ACSS3: variants seen among roughly 807,000 people sequenced by gnomAD.
The protein encoded by ACSS3 is acyl-CoA synthetase short-chain family member 3, mitochondrial.
A neutral mutation model predicts 84.2 loss-of-function variants in ACSS3; 64 were observed. The ratio of observed to expected loss-of-function variants is 0.76; its 90% CI spans 0.62 to 0.94. The LOEUF is 0.94. Ranked by LOEUF, ACSS3 falls within the 40% of genes least tolerant of loss-of-function variation. The probability of loss-of-function intolerance (pLI) is 0.00; values close to 1 mark genes in which losing one functional copy is unlikely to be tolerated. For synonymous variants in ACSS3, 317 were observed against 310.1 expected, an observed-to-expected ratio of 1.02 and a Z score of -0.23; for missense variants, 815 against 867.6, an observed-to-expected ratio of 0.94 and a Z score of 0.76.
intron 5 of ACSS3, among the ~76,000 whole-genome samples, chr12:81,148,827 C>A (rs1054335218): frequency 6.8e-6 from 1 of 147,172 alleles, no homozygotes; most frequent in Non-Finnish European, 1.5e-5. Context: ...TTTGGAAGGC[C>A]GAGGCGGGCA....
intron 2 of ACSS3, among the ~76,000 whole-genome samples, chr12:81,132,177 G>A (rs1885547541): frequency 1.3e-5 from 2 of 152,108 alleles, no homozygotes; most frequent in African/African-American, 4.8e-5. Flanking sequence ...TTTTTCTATT[G>A]ATTGGAATAG....
chr12:81,253,725 T>G, intron 15 of ACSS3, 55 bp downstream of exon 15: 2 of 1,559,872 alleles, frequency 1.3e-6, no homozygotes, highest in South Asian at 1.2e-5. Context: ...CTTCATTTCT[T>G]TGGCATCAGC....
chr12:81,145,942 T>C (rs972723445), intron 5 of ACSS3, among the ~76,000 whole-genome samples: 1 of 152,140 alleles, frequency 6.6e-6, no homozygotes, highest in African/African-American at 2.4e-5. Context: ...CAAAAGAAGG[T>C]AGTTATCTCT....
At chr12:81,135,449 A>C (rs898175031) in intron 3 of ACSS3, among the ~76,000 whole-genome samples, 1 of 144,974 alleles carries the variant, frequency 6.9e-6, no homozygotes, top group East Asian at 1.9e-4. Context: ...ATATTATAAT[A>C]ATATATAAAA....
rs953786015 is a variant in ACSS3, at chr12:81,252,458, G to A, written c.1720-849G>A. 3.9e-5 allele frequency among the ~76,000 whole-genome samples: 6 copies of A among 152,182 alleles called. No individual in the cohort carries two copies. In the South Asian group the frequency reaches 1.2e-3, roughly 32 times the overall value. ...AGAAAGAACAAGGACTGCCAGATGTGCTGTTGGTTAAAAGTTTGCTCACTG... is the reference window on the plus strand; with the variant it reads ...AGAAAGAACAAGGACTGCCAGATGTACTGTTGGTTAAAAGTTTGCTCACTG... On this transcript the variant is annotated intron_variant, in intron 13 of 15. Coordinates refer to ENST00000548058, the MANE Select transcript of ACSS3 (RefSeq NM_024560.4).
At chr12:81,239,064 TTTAG>T (rs1304956784) in intron 13 of ACSS3, among the ~76,000 whole-genome samples, 1 of 151,888 alleles carries the variant, frequency 6.6e-6, no homozygotes, top group East Asian at 1.9e-4. Context: ...ATAATTTTCA[TTTAG>T]TTAAAATATG....
At chr12:81,135,289 T>C (rs1396459362) in intron 3 of ACSS3, among the ~76,000 whole-genome samples, 1 of 145,384 alleles carries the variant, frequency 6.9e-6, no homozygotes, top group Non-Finnish European at 1.5e-5. Context: ...ATATATTATA[T>C]ATATTATAAT....
chr12:81,150,487 A>G (rs1246717491), intron 5 of ACSS3, among the ~76,000 whole-genome samples: 1 of 152,218 alleles, frequency 6.6e-6, no homozygotes, highest in Non-Finnish European at 1.5e-5. Flanking sequence ...CAGTGGAAAA[A>G]TAACTGTTTC....
rs762931673 is a variant in ACSS3, at chr12:81,152,008, G to T, written c.1010G>T (p.Trp337Leu). ...TATTATCTTATTTTTTAGGTGTGGT[G>T]GGCAGCTTCTGACTTAGGCTGGGTT... ...IYGLQPGEVW[W>L]AASDLGWVVG... The change falls in exon 7 of 16, where the codon TGG (tryptophan) becomes TTG (leucine). Residue 337 changes from tryptophan (W) to leucine (L), a missense_variant. Coordinates refer to ENST00000548058, the MANE Select transcript of ACSS3 (RefSeq NM_024560.4). 2.5e-6 allele frequency: 4 copies of T among 1,613,382 alleles called. No individual in the cohort carries two copies. In the South Asian group the frequency reaches 4.4e-5, roughly 18 times the overall value.
intron 11 of ACSS3, among the ~76,000 whole-genome samples, chr12:81,220,947 T>C (rs2033084289): frequency 6.6e-6 from 1 of 152,060 alleles, no homozygotes; most frequent in Non-Finnish European, 1.5e-5. Flanking sequence ...GCAATAGTAT[T>C]GAAGAGATTT....
chr12:81,132,548 T>C (rs1011663477), intron 2 of ACSS3, among the ~76,000 whole-genome samples: 1 of 150,662 alleles, frequency 6.6e-6, no homozygotes, highest in African/African-American at 2.5e-5. Context: ...GCTAGCAGTC[T>C]ATCTATTTTG....
chr12:81,169,988 T>C (rs941345043), intron 7 of ACSS3, among the ~76,000 whole-genome samples: 1 of 152,106 alleles, frequency 6.6e-6, no homozygotes, highest in African/African-American at 2.4e-5. Flanking sequence ...TAAATGTATT[T>C]CTAATCCTGC....
At chr12:81,142,900 TTGAAG>T (rs1886160137) in intron 4 of ACSS3, among the ~76,000 whole-genome samples, 1 of 152,210 alleles carries the variant, frequency 6.6e-6, no homozygotes, top group African/African-American at 2.4e-5. Context: ...GTCAGTTTAG[TTGAAG>T]TGAATATAAA....
intron 3 of ACSS3, among the ~76,000 whole-genome samples, chr12:81,138,618 A>G: frequency 6.6e-6 from 1 of 152,224 alleles, no homozygotes; most frequent in Admixed American, 6.5e-5. Flanking sequence ...AGAAAATAAT[A>G]TAATGTAATA....
intron 13 of ACSS3, among the ~76,000 whole-genome samples, chr12:81,245,696 T>C (rs1169886951): frequency 6.6e-5 from 10 of 152,202 alleles, no homozygotes; most frequent in Admixed American, 6.5e-4. Flanking sequence ...ATTGTGTTTT[T>C]CTCTATTTAC....
chr12:81,100,317 A>T (rs1882409921), intron 1 of ACSS3, among the ~76,000 whole-genome samples: 1 of 151,066 alleles, frequency 6.6e-6, no homozygotes, highest in South Asian at 2.1e-4. Context: ...AAAATAGAAA[A>T]TTATGTAAAA....
intron 9 of ACSS3, among the ~76,000 whole-genome samples, chr12:81,213,541 T>TA (rs1253413623): frequency 4.0e-5 from 6 of 150,276 alleles, no homozygotes; most frequent in Non-Finnish European, 8.9e-5. Context: ...TACAAGTCAC[T>TA]AGCAATAGTT....
chr12:81,212,380 A>T (rs2032629275), intron 9 of ACSS3, among the ~76,000 whole-genome samples: 1 of 152,164 alleles, frequency 6.6e-6, no homozygotes, highest in Non-Finnish European at 1.5e-5. Context: ...AGTATGGGGG[A>T]CTGGGCTCAC....
chr12:81,105,421 G>GA (rs531277304), intron 1 of ACSS3, among the ~76,000 whole-genome samples: 2 of 151,826 alleles, frequency 1.3e-5, no homozygotes, highest in African/African-American at 4.8e-5. Flanking sequence ...CTGGAGCAGA[G>GA]AAAAAAAAGT....
Sources: gnomAD v4.1 joint callset for allele counts (sites outside exome capture counted in the v4.1 genomes callset) on GRCh38, gnomAD v4.1.1 for gene constraint, MANE v1.5 for transcripts, NCBI Gene and HGNC (gene_info 2026-07-23, HGNC 2026-07-21) for gene names.